GPC6: variants seen among roughly 807,000 people sequenced by gnomAD.
The protein encoded by GPC6 is glypican 6.
Under a neutral mutation model 55.2 loss-of-function variants are expected in GPC6, and 14 were observed. The observed-to-expected ratio is 0.25, with a 90% CI of 0.17 to 0.40. GPC6 has a LOEUF of 0.40. GPC6 is among the 10% of genes least tolerant of loss of function. GPC6 has a pLI of 1.00. For synonymous variants in GPC6, 278 were observed against 259.6 expected (o/e 1.07, Z -0.68); for missense variants, 641 against 708.5 (o/e 0.90, Z 1.08).
chr13:93,472,259 G>A (rs1329865722), intron 1 of GPC6, among the ~76,000 whole-genome samples: 1 of 152,118 alleles, frequency 6.6e-6, no homozygotes, highest in East Asian at 1.9e-4. Flanking sequence ...GTGGCTGCTG[G>A]TGCCTTTTCC....
intron 1 of GPC6, among the ~76,000 whole-genome samples, chr13:93,305,899 A>G (rs1878840648): frequency 6.6e-6 from 1 of 152,194 alleles, no homozygotes; most frequent in South Asian, 2.1e-4. Flanking sequence ...TTTGCCTCCC[A>G]TATGCACTGA....
chr13:93,645,103 A>G (rs1880119244), intron 2 of GPC6, among the ~76,000 whole-genome samples: 1 of 152,162 alleles, frequency 6.6e-6, no homozygotes, highest in South Asian at 2.1e-4. Context: ...CAGGGAGTGG[A>G]GAAGGGCATA....
chr13:94,050,199 C>A (rs917432642), intron 4 of GPC6, among the ~76,000 whole-genome samples: 2 of 152,014 alleles, frequency 1.3e-5, no homozygotes, highest in Non-Finnish European at 2.9e-5. Flanking sequence ...TTTGTTTTGC[C>A]ATATTCTCAG....
intron 4 of GPC6, among the ~76,000 whole-genome samples, chr13:94,262,492 G>C (rs1891682925): frequency 6.6e-6 from 1 of 152,072 alleles, no homozygotes; most frequent in African/African-American, 2.4e-5. Context: ...GGCCAACATG[G>C]TGAAACCCCG....
intron 1 of GPC6, among the ~76,000 whole-genome samples, chr13:93,494,652 C>T (rs185820673): frequency 7.7e-4 from 117 of 152,114 alleles, no homozygotes; most frequent in African/African-American, 2.4e-3. Flanking sequence ...GATTTTGCAG[C>T]GGCTGGTACC....
At chr13:94,376,491 AG>A (rs1470732134) in intron 6 of GPC6, among the ~76,000 whole-genome samples, 11 of 152,090 alleles carry the variant, frequency 7.2e-5, no homozygotes, top group Non-Finnish European at 1.2e-4. Context: ...CCAACTTACA[AG>A]GGATATGAAG....
chr13:93,931,499 C>T (rs565853525), intron 3 of GPC6, among the ~76,000 whole-genome samples: 1 of 151,564 alleles, frequency 6.6e-6, no homozygotes, highest in South Asian at 2.1e-4. Flanking sequence ...GGCTCACGCT[C>T]ACGCATGTAA....
At chr13:93,467,738 C>T (rs1020449481) in intron 1 of GPC6, among the ~76,000 whole-genome samples, 1 of 151,864 alleles carries the variant, frequency 6.6e-6, no homozygotes, top group Non-Finnish European at 1.5e-5. Flanking sequence ...GCATGCACCA[C>T]CATGACCAGC....
chr13:93,544,342 T>G (rs775462800), intron 1 of GPC6, among the ~76,000 whole-genome samples: 3 of 152,260 alleles, frequency 2.0e-5, no homozygotes, highest in Non-Finnish European at 4.4e-5. Flanking sequence ...TGAATTTTAA[T>G]CACAGAGTCA....
At position 93,584,246 on chromosome 13, in the gene GPC6, G is replaced by A. The variant is rs142105641; in HGVS notation, c.319+38825G>A. Among the ~76,000 whole-genome samples, 678 of 152,214 alleles carry A rather than the reference G, an allele frequency of 4.5e-3. 3 individuals carry two copies. The highest frequency in any genetic ancestry group is 0.02 in the Middle Eastern group (6 of 294). The stretch of plus-strand genomic sequence containing the variant: ...TGTGAGGGTGGAAATATTTTGGGGT[G>A]GGTGACTAATAACTTTATTTTTAAT... On this transcript the variant is annotated intron_variant, in intron 2 of 8. Coordinates refer to ENST00000377047, the MANE Select transcript of GPC6 (RefSeq NM_005708.5).
At chr13:94,179,825 T>C (rs1888920544) in intron 4 of GPC6, among the ~76,000 whole-genome samples, 1 of 152,224 alleles carries the variant, frequency 6.6e-6, no homozygotes, top group African/African-American at 2.4e-5. Flanking sequence ...ACCAGGTCAC[T>C]ACTTTTGGGG....
chr13:93,229,301 T>C (rs1411683182), intron 1 of GPC6, among the ~76,000 whole-genome samples: 1 of 152,188 alleles, frequency 6.6e-6, no homozygotes, highest in African/African-American at 2.4e-5. Context: ...GTTTATAGTA[T>C]GGATCACTTC....
At chr13:93,336,822 A>T (rs1880061746) in intron 1 of GPC6, among the ~76,000 whole-genome samples, 1 of 152,142 alleles carries the variant, frequency 6.6e-6, no homozygotes, top group South Asian at 2.1e-4. Flanking sequence ...ACTTGGTGGT[A>T]GGGAAAATGA....
At chr13:93,738,418 G>GT (rs1283602864) in intron 2 of GPC6, among the ~76,000 whole-genome samples, 1 of 152,238 alleles carries the variant, frequency 6.6e-6, no homozygotes, top group South Asian at 2.1e-4. Flanking sequence ...TTTCATGACA[G>GT]TTTTTTCCCA....
At chr13:93,525,585 G>T (rs1400547637) in intron 1 of GPC6, among the ~76,000 whole-genome samples, 2 of 152,034 alleles carry the variant, frequency 1.3e-5, no homozygotes, top group Non-Finnish European at 2.9e-5. Flanking sequence ...ACTCTTCTGA[G>T]CACTCGAAGT....
chr13:94,185,584 GA>G (rs1305883844), intron 4 of GPC6, among the ~76,000 whole-genome samples: 1 of 151,632 alleles, frequency 6.6e-6, no homozygotes, highest in African/African-American at 2.4e-5. Flanking sequence ...TTACCTCATT[GA>G]AAAACATTTT....
chr13:93,482,808 A>G (rs9516240), intron 1 of GPC6, among the ~76,000 whole-genome samples: 120,838 of 152,142 alleles, frequency 0.79, 48,150 homozygotes, highest in East Asian at 0.99. Flanking sequence ...TGTAGCAAGT[A>G]CGTTTGTAAT....
At chr13:93,426,592 A>G (rs1209384659) in intron 1 of GPC6, among the ~76,000 whole-genome samples, 7 of 151,994 alleles carry the variant, frequency 4.6e-5, no homozygotes, top group Non-Finnish European at 1.0e-4. Flanking sequence ...GCTGCATAGT[A>G]TTCCATGGTG....
At chr13:94,343,931 ATGT>A (rs1054691135) in intron 6 of GPC6, among the ~76,000 whole-genome samples, 20 of 152,176 alleles carry the variant, frequency 1.3e-4, no homozygotes, top group African/African-American at 4.8e-4. Flanking sequence ...AGGTCTCACT[ATGT>A]TGCCCAGGCT....
Sources: gnomAD v4.1 joint callset for allele counts (sites outside exome capture counted in the v4.1 genomes callset) on GRCh38, gnomAD v4.1.1 for gene constraint, MANE v1.5 for transcripts, NCBI Gene and HGNC (gene_info 2026-07-23, HGNC 2026-07-21) for gene names.